The following TMEM132B variants were observed in gnomAD, a reference collection of about 807,000 sequenced individuals.
TMEM132B encodes transmembrane protein 132B.
In TMEM132B, 18 loss-of-function variants were observed where a neutral mutation model predicts 90.8. The ratio of observed to expected loss-of-function variants is 0.20; its 90% CI spans 0.14 to 0.29. TMEM132B has a LOEUF of 0.29. Ranked by LOEUF, TMEM132B falls within the 10% of genes least tolerant of loss-of-function variation. The probability of loss-of-function intolerance (pLI) is 1.00; values close to 1 mark genes in which losing one functional copy is unlikely to be tolerated. For missense variants in TMEM132B, 1,096 were observed against 1,326.8 expected (o/e 0.83, Z 2.70); for synonymous variants, 504 against 523.3 (o/e 0.96, Z 0.50).
intron 1 of TMEM132B, among the ~76,000 whole-genome samples, chr12:125,232,200 C>G (rs1356672124): frequency 6.6e-6 from 1 of 151,964 alleles, no homozygotes; most frequent in Non-Finnish European, 1.5e-5. Context: ...TAGTTTTTTT[C>G]CTCATTATAA....
intron 1 of TMEM132B, among the ~76,000 whole-genome samples, chr12:125,225,860 G>A (rs1018270217): frequency 1.3e-5 from 2 of 152,152 alleles, no homozygotes; most frequent in African/African-American, 4.8e-5. Context: ...ACTCCTAGCT[G>A]CAAGGGAGGC....
chr12:125,409,143 C>A (rs939645630), intron 2 of TMEM132B, among the ~76,000 whole-genome samples: 1 of 152,122 alleles, frequency 6.6e-6, no homozygotes, highest in Non-Finnish European at 1.5e-5. Context: ...GCTGCCTTTA[C>A]TGCAGTTTTG....
chr12:125,638,319 A>C (rs1385609778), intron 5 of TMEM132B, among the ~76,000 whole-genome samples: 1 of 152,200 alleles, frequency 6.6e-6, no homozygotes, highest in East Asian at 1.9e-4. Flanking sequence ...TTTGAAAACA[A>C]CGCAGGGTTC....
At chr12:125,570,681 C>A (rs1026875507) in intron 4 of TMEM132B, among the ~76,000 whole-genome samples, 1 of 152,178 alleles carries the variant, frequency 6.6e-6, no homozygotes, top group African/African-American at 2.4e-5. Flanking sequence ...CTGATTTCAG[C>A]GTTATATAAT....
At chr12:125,399,135 A>T (rs564015319) in intron 2 of TMEM132B, among the ~76,000 whole-genome samples, 3 of 152,308 alleles carry the variant, frequency 2.0e-5, no homozygotes, top group Admixed American at 2.0e-4. Context: ...AGCTAGTGAG[A>T]TGGTCTTATA....
At position 125,344,269 on chromosome 12, in the gene TMEM132B, GA is replaced by G. The variant is rs1238682840; in HGVS notation, c.68-5182del. On this transcript the variant is annotated intron_variant, in intron 1 of 8. Transcript: ENST00000682704. ...ACAAATCACTCTAGTTATTTCTACA[GA>G]GGGAATTTAATAAAGGGAATTAGTT... Among the ~76,000 whole-genome samples the G allele has an allele frequency of 3.9e-5, 6 of 152,324 alleles. No individual in the cohort carries two copies. In the East Asian group the frequency reaches 1.2e-3, roughly 29 times the overall value.
chr12:125,494,772 G>A (rs1316348244), intron 3 of TMEM132B, among the ~76,000 whole-genome samples: 5 of 99,004 alleles, frequency 5.1e-5, no homozygotes, highest in East Asian at 6.6e-4. Context: ...GGAAATGGCC[G>A]TGTTCCTCCT....
intron 2 of TMEM132B, among the ~76,000 whole-genome samples, chr12:125,402,978 A>G (rs1315226841): frequency 6.6e-6 from 1 of 152,214 alleles, no homozygotes; most frequent in Non-Finnish European, 1.5e-5. Flanking sequence ...CTGTTAGCTC[A>G]AAAGCCTGCT....
intron 1 of TMEM132B, among the ~76,000 whole-genome samples, chr12:125,313,305 T>C (rs977066450): frequency 2.0e-5 from 3 of 152,204 alleles, no homozygotes; most frequent in Admixed American, 6.5e-5. Flanking sequence ...TCCAGTCAGA[T>C]AGACGCAATT....
intron 3 of TMEM132B, among the ~76,000 whole-genome samples, chr12:125,489,924 A>C (rs775671897): frequency 3.3e-5 from 5 of 152,200 alleles, no homozygotes; most frequent in Non-Finnish European, 7.3e-5. Context: ...ACTTCTAAGA[A>C]TTTTGGAGGT....
At chr12:125,475,078 A>G (rs758177634) in intron 3 of TMEM132B, among the ~76,000 whole-genome samples, 3 of 152,184 alleles carry the variant, frequency 2.0e-5, no homozygotes, top group Non-Finnish European at 4.4e-5. Context: ...TGCTGTAACT[A>G]GAAGGGGGAG....
rs373735615 is a variant in TMEM132B at position 125,303,777 on chromosome 12, A to G, written c.68-45675A>G. 2.6e-5 allele frequency among the ~76,000 whole-genome samples: 4 copies of G among 152,250 alleles called. No homozygotes were observed. In the South Asian group the frequency reaches 6.2e-4, roughly 24 times the overall value. On this transcript the variant is annotated intron_variant, in intron 1 of 8. Transcript: ENST00000682704. ...TTATGTGCTTATTTGCCATTTGTAT[A>G]TCTTCTGTGGAGAAATGTCTATTCA...
chr12:125,533,730 C>A (rs10744214), intron 4 of TMEM132B, among the ~76,000 whole-genome samples: 95,134 of 151,984 alleles, frequency 0.63, 30,194 homozygotes, highest in East Asian at 0.86. Context: ...CGTCCTCAGG[C>A]CCTGCGATTT....
intron 1 of TMEM132B, among the ~76,000 whole-genome samples, chr12:125,317,236 T>C (rs1185835230): frequency 6.6e-6 from 1 of 152,028 alleles, no homozygotes; most frequent in African/African-American, 2.4e-5. Context: ...AGGATTAGCA[T>C]GGGTTGGTAT....
chr12:125,267,485 G>A (rs1220547557), intron 1 of TMEM132B, among the ~76,000 whole-genome samples: 2 of 152,170 alleles, frequency 1.3e-5, no homozygotes, highest in Non-Finnish European at 2.9e-5. Context: ...ATGAATAAAA[G>A]GAAGAAGGGG....
intron 1 of TMEM132B, among the ~76,000 whole-genome samples, chr12:125,224,247 A>G (rs1365698271): frequency 6.6e-6 from 1 of 152,078 alleles, no homozygotes; most frequent in African/African-American, 2.4e-5. Context: ...GCTATGGTGA[A>G]TAGTGCTGCC....
At chr12:125,529,267 T>G (rs1883582887) in intron 4 of TMEM132B, among the ~76,000 whole-genome samples, 1 of 152,170 alleles carries the variant, frequency 6.6e-6, no homozygotes, top group Non-Finnish European at 1.5e-5. Context: ...CTTTTTACTT[T>G]TTAATTTTTT....
At chr12:125,298,709 C>T (rs2136157616) in intron 1 of TMEM132B, among the ~76,000 whole-genome samples, 1 of 150,306 alleles carries the variant, frequency 6.7e-6, no homozygotes, top group East Asian at 2.0e-4. Context: ...CTACTCCCTC[C>T]CATCACTTAT....
At chr12:125,559,754 T>G (rs1340421408) in intron 4 of TMEM132B, among the ~76,000 whole-genome samples, 2 of 152,292 alleles carry the variant, frequency 1.3e-5, no homozygotes, top group Admixed American at 1.3e-4. Flanking sequence ...AAGTCAGTTA[T>G]GCAGACTGGG....
Sources: allele counts gnomAD v4.1 joint callset (sites outside exome capture counted in the v4.1 genomes callset), GRCh38; gene constraint gnomAD v4.1.1; transcripts MANE v1.5; gene names NCBI Gene and HGNC (gene_info 2026-07-23, HGNC 2026-07-21).